The following CC2D2A variants were observed in gnomAD, a reference collection of about 807,000 sequenced individuals.
CC2D2A encodes coiled-coil and C2 domain containing 2A, also known as coiled-coil and C2 domain-containing protein 2A.
CC2D2A carries 155 observed loss-of-function variants against 212.9 expected under a neutral mutation model. The observed-to-expected ratio is 0.73, with a 90% CI of 0.64 to 0.83. The LOEUF is 0.83. Among genes scored for constraint, CC2D2A ranks in the 40% least tolerant of loss-of-function variants. The pLI, the probability that CC2D2A is intolerant of heterozygous loss-of-function variation, is 0.00. For synonymous variants in CC2D2A, 667 were observed against 686.5 expected (o/e 0.97, Z 0.44); for missense variants, 1,856 against 1,956.2 (o/e 0.95, Z 0.97).
intron 4 of CC2D2A, chr4:15,481,197 G>A (rs749730485): frequency 4.4e-6 from 2 of 456,830 alleles, no homozygotes; most frequent in South Asian, 3.1e-5. Flanking sequence ...TCACTCACAG[G>A]AGAGCTGGTT....
At chr4:15,591,521 A>G (rs1186648221) in intron 33 of CC2D2A, among the ~76,000 whole-genome samples, 3 of 152,104 alleles carry the variant, frequency 2.0e-5, no homozygotes, top group Non-Finnish European at 4.4e-5. Flanking sequence ...GCCCAGCCCC[A>G]TCAACCTATT....
chr4:15,483,011 G>A (rs938560501), intron 4 of CC2D2A, among the ~76,000 whole-genome samples: 1 of 152,178 alleles, frequency 6.6e-6, no homozygotes, highest in Non-Finnish European at 1.5e-5. Flanking sequence ...GGTGGAGCTG[G>A]AAGCTGCTGA....
intron 33 of CC2D2A, among the ~76,000 whole-genome samples, chr4:15,590,519 A>C (rs1196910666): frequency 6.6e-6 from 1 of 152,210 alleles, no homozygotes; most frequent in African/African-American, 2.4e-5. Flanking sequence ...CATCTCAAAG[A>C]AAAATGAGTT....
chr4:15,488,201 T>C (rs1312700594), intron 4 of CC2D2A, among the ~76,000 whole-genome samples: 2 of 152,192 alleles, frequency 1.3e-5, no homozygotes, highest in Non-Finnish European at 2.9e-5. Flanking sequence ...TCTTCTCTTT[T>C]AGATTGAAGA....
At chr4:15,510,380 G>A (rs1050685064) in intron 7 of CC2D2A, 140 bp downstream of exon 7, 14 of 678,182 alleles carry the variant, frequency 2.1e-5, no homozygotes, top group Non-Finnish European at 3.6e-5. Flanking sequence ...CAGATATATT[G>A]AGCACAGGAG....
At chr4:15,513,661 G>A (rs956378845) in intron 8 of CC2D2A, among the ~76,000 whole-genome samples, 9 of 152,234 alleles carry the variant, frequency 5.9e-5, no homozygotes, top group South Asian at 2.1e-4. Context: ...AGCCCCTTTC[G>A]CTAGCTCCCC....
chr4:15,530,647 CTT>C (rs1717801591), intron 13 of CC2D2A, among the ~76,000 whole-genome samples: 1 of 152,080 alleles, frequency 6.6e-6, no homozygotes, highest in African/African-American at 2.4e-5. Context: ...AGATGAAAGT[CTT>C]TGAGATTTAG....
Position 15,580,036 on chromosome 4 carries a change from G to C in CC2D2A, c.3840G>C (p.Lys1280Asn), listed in dbSNP as rs1392421669. The change falls in exon 30 of 37, where the codon AAG (lysine) becomes AAC (asparagine). Residue 1280 changes from lysine to asparagine, a missense_variant. Coordinates refer to ENST00000424120, the MANE Select transcript of CC2D2A (RefSeq NM_001378615.1). ...AGTTTCAAGCTGAATGTGCCTTAAA[G>C]TTTCCAAATCGTCAGTGCCTTACAA... ...TEKFQAECAL[K>N]FPNRQCLTTV... The C allele has an allele frequency of 1.2e-6, 2 of 1,613,950 alleles. No individual in the cohort carries two copies. The highest frequency in any genetic ancestry group is 2.2e-5 in the South Asian group (2 of 91,086).
chr4:15,596,920 T>C (rs1721344820), intron 34 of CC2D2A, among the ~76,000 whole-genome samples: 2 of 152,204 alleles, frequency 1.3e-5, no homozygotes, highest in Non-Finnish European at 2.9e-5. Context: ...AAAAATATGT[T>C]TGTTGCTGCC....
At chr4:15,591,419 A>G (rs1056077880) in intron 33 of CC2D2A, among the ~76,000 whole-genome samples, 1 of 151,920 alleles carries the variant, frequency 6.6e-6, no homozygotes, top group African/African-American at 2.4e-5. Context: ...GGGTTTCTCC[A>G]TGTTGGTCAG....
chr4:15,482,253 A>G, intron 4 of CC2D2A: 1 of 984,774 alleles, frequency 1.0e-6, no homozygotes, highest in Non-Finnish European at 1.2e-6. Context: ...TAAAAACAGA[A>G]CCAAAATTTA....
At chr4:15,533,670 T>C (rs1717971276) in intron 14 of CC2D2A, among the ~76,000 whole-genome samples, 1 of 152,226 alleles carries the variant, frequency 6.6e-6, no homozygotes, top group Non-Finnish European at 1.5e-5. Flanking sequence ...AGGGAATACA[T>C]ACATGCTTCT....
intron 4 of CC2D2A, chr4:15,481,951 C>T (rs1714694979): frequency 2.0e-6 from 2 of 985,326 alleles, no homozygotes; most frequent in Non-Finnish European, 2.4e-6. Flanking sequence ...TCTCCCCCTA[C>T]ACACGCCTTT....
rs56355847 is a variant in CC2D2A, at chr4:15,491,048, C to A, written c.247+10221C>A. ...ATGTGAGTCTTGCCGAAGCTCCCGG[C>A]CGAATAAAGCCCTTCCTTCTTTAGC... On this transcript the variant is annotated intron_variant, in intron 4 of 36. Transcript: ENST00000424120. Among the ~76,000 whole-genome samples the A allele has an allele frequency of 5.2e-3, 787 of 152,230 alleles. 9 individuals carry two copies. The highest frequency in any genetic ancestry group is 0.018 in the African/African-American group (748 of 41,540).
At position 15,537,918 on chromosome 4, in the gene CC2D2A, G is replaced by C. The variant is rs1718220488; in HGVS notation, c.1784G>C (p.Arg595Thr). 2 of 1,604,008 alleles carry C rather than the reference G, an allele frequency of 1.2e-6. No individual in the cohort carries two copies. Among genetic ancestry groups the C allele is most frequent in the East Asian group, 4.5e-5 (2 of 44,450 alleles). The change falls in exon 16 of 37, where the codon AGG (arginine) becomes ACG (threonine). Residue 595 changes from arginine to threonine, a missense_variant. Transcript: ENST00000424120. ...CAACAGAGGGCCAAGAAGAAGAAAA[G>C]GAAACAAGCAGCAGAAGAACATCCC... ...RKVQRAKKKK[R>T]KQAAEEHPGD...
At chr4:15,493,798 G>A (rs1292775208) in intron 4 of CC2D2A, among the ~76,000 whole-genome samples, 1 of 152,166 alleles carries the variant, frequency 6.6e-6, no homozygotes, top group Non-Finnish European at 1.5e-5. Context: ...GATGCTCAAA[G>A]AATATTTGTT....
At position 15,537,919 on chromosome 4, in the gene CC2D2A, G is replaced by A. The variant is rs1242274412; in HGVS notation, c.1785G>A (p.Arg595=). 2 of 1,604,248 alleles carry A rather than the reference G, an allele frequency of 1.2e-6. No homozygotes were observed. Among genetic ancestry groups the A allele is most frequent in the Non-Finnish European group, 1.7e-6 (2 of 1,175,432 alleles). ...AACAGAGGGCCAAGAAGAAGAAAAG[G>A]AAACAAGCAGCAGAAGAACATCCCG... ...RKVQRAKKKK[R]KQAAEEHPGD... is the part of the protein sequence containing the mutation. Residue 595 remains arginine, a synonymous_variant, in exon 16 of 37, where the codon AGG becomes AGA. Coordinates refer to ENST00000424120, the MANE Select transcript of CC2D2A (RefSeq NM_001378615.1).
chr4:15,541,245 G>A (rs1330966586), intron 17 of CC2D2A, among the ~76,000 whole-genome samples: 2 of 152,146 alleles, frequency 1.3e-5, no homozygotes, highest in East Asian at 1.9e-4. Context: ...CTTGAACCCA[G>A]GAGGTGGAGG....
At chr4:15,585,417 T>C (rs1720819911) in intron 30 of CC2D2A, among the ~76,000 whole-genome samples, 1 of 152,132 alleles carries the variant, frequency 6.6e-6, no homozygotes, top group Admixed American at 6.5e-5. Context: ...TATGATCTCA[T>C]GCATATGTGG....
Sources: gnomAD v4.1 joint callset for allele counts (sites outside exome capture counted in the v4.1 genomes callset) on GRCh38, gnomAD v4.1.1 for gene constraint, MANE v1.5 for transcripts, NCBI Gene and HGNC (gene_info 2026-07-23, HGNC 2026-07-21) for gene names.